Variants in FER observed in about 807,000 individuals in gnomAD.
The protein encoded by FER is tyrosine-protein kinase Fer.
FER carries 63 observed loss-of-function variants against 111.0 expected under a neutral mutation model. The observed-to-expected ratio is 0.57, with a 90% CI of 0.46 to 0.70. FER has a LOEUF of 0.70. Among genes scored for constraint, FER ranks in the 30% least tolerant of loss-of-function variants. FER has a pLI of 0.00. For synonymous variants in FER, 327 were observed against 313.9 expected (o/e 1.04, Z -0.44); for missense variants, 914 against 954.0 (o/e 0.96, Z 0.55).
chr5:108,966,789 C>T (rs566891591), intron 13 of FER, among the ~76,000 whole-genome samples: 2 of 152,178 alleles, frequency 1.3e-5, no homozygotes, highest in African/African-American at 4.8e-5. Context: ...CTGATATGAA[C>T]ATGGATGTAT....
intron 3 of FER, among the ~76,000 whole-genome samples, chr5:108,812,506 A>C (rs1757868700): frequency 6.6e-6 from 1 of 152,128 alleles, no homozygotes; most frequent in African/African-American, 2.4e-5. Flanking sequence ...TTGGTTTCCT[A>C]ATATGACAAT....
At chr5:109,039,963 T>G (rs760161524) in intron 14 of FER, among the ~76,000 whole-genome samples, 18 of 152,156 alleles carry the variant, frequency 1.2e-4, no homozygotes, top group Non-Finnish European at 2.4e-4. Context: ...GATGCTAGGT[T>G]AAGATGATAG....
chr5:109,154,324 A>ATTTAAT (rs1561965023), intron 17 of FER, among the ~76,000 whole-genome samples: 1 of 152,000 alleles, frequency 6.6e-6, no homozygotes, highest in East Asian at 1.9e-4. Flanking sequence ...GTGTATCACC[A>ATTTAAT]GTTTTGAGAA....
Position 108,880,752 on chromosome 5 carries a change from T to C in FER, c.924-2644T>C, listed in dbSNP as rs1487254796. Among the ~76,000 whole-genome samples, 5 of 151,996 alleles carry C rather than the reference T, an allele frequency of 3.3e-5. No individual in the cohort carries two copies. The East Asian group carries it at 7.7e-4, about 23-fold the overall frequency. On this transcript the variant is annotated intron_variant, in intron 8 of 19. Transcript: ENST00000281092. ...ATATATATATATGATTAAAGAAAAA[T>C]GTTCAATCTGACCTTTCCCTGATGA...
intron 5 of FER, among the ~76,000 whole-genome samples, chr5:108,859,249 T>TGGTA (rs778620607): frequency 6.6e-5 from 10 of 152,130 alleles, no homozygotes; most frequent in Non-Finnish European, 1.5e-4. Context: ...ACCACTACAG[T>TGGTA]TTTTCAGTAT....
At chr5:109,088,929 T>C (rs941020360) in intron 16 of FER, among the ~76,000 whole-genome samples, 2 of 152,162 alleles carry the variant, frequency 1.3e-5, no homozygotes, top group African/African-American at 4.8e-5. Flanking sequence ...ATGTGGTTCA[T>C]CTAAAGAAAA....
chr5:109,093,809 T>C (rs3797848), intron 16 of FER, among the ~76,000 whole-genome samples: 5,210 of 152,286 alleles, frequency 0.034, 150 homozygotes, highest in South Asian at 0.084. Context: ...TAGTATTCCA[T>C]TGATTTTTCT....
intron 2 of FER, among the ~76,000 whole-genome samples, chr5:108,770,598 TCTC>T (rs749594389): frequency 6.6e-5 from 10 of 151,920 alleles, no homozygotes; most frequent in Admixed American, 1.3e-4. Context: ...TGCAGGCTGT[TCTC>T]CTGAGCTCAA....
chr5:109,174,121 A>G (rs575999440), intron 17 of FER, among the ~76,000 whole-genome samples: 1 of 152,236 alleles, frequency 6.6e-6, no homozygotes, highest in East Asian at 1.9e-4. Flanking sequence ...GTGCCCTGTT[A>G]GTAATGGGCA....
At chr5:108,988,044 G>C (rs952792294) in intron 13 of FER, among the ~76,000 whole-genome samples, 1 of 152,034 alleles carries the variant, frequency 6.6e-6, no homozygotes, top group South Asian at 2.1e-4. Flanking sequence ...TGCGTTTCTT[G>C]AGATGATGTG....
At position 109,190,693 on chromosome 5, in the gene FER, G is replaced by A. The variant is rs1156380670; in HGVS notation, c.*3118G>A. 1 of 152,108 alleles carries A rather than the reference G, an allele frequency of 6.6e-6. No individual in the cohort carries two copies. The highest frequency in any genetic ancestry group is 2.4e-5 in the African/African-American group (1 of 41,454). 9.4% of individuals were successfully genotyped at this position (152,108 alleles called of 1,614,324 possible). On this transcript the variant is annotated 3_prime_UTR_variant, in exon 20 of 20. Transcript: ENST00000281092. ...TTTATTTCAGCCTGTCCTGCCATGAGGTCTCCAGTGAGAGGTCTCCAGTGA... is the reference window on the plus strand; with the variant it reads ...TTTATTTCAGCCTGTCCTGCCATGAAGTCTCCAGTGAGAGGTCTCCAGTGA...
Position 109,188,385 on chromosome 5 carries a change from A to G in FER, c.*810A>G, listed in dbSNP as rs951540081. The G allele has an allele frequency of 4.5e-5, 4 of 88,610 alleles. No individual in the cohort carries two copies. Among genetic ancestry groups the G allele is most frequent in the African/African-American group, 1.9e-4 (4 of 21,532 alleles). The allele number at this position is 88,610 out of a possible 1,614,324, so 5.5% of individuals were successfully genotyped here. A position where few individuals can be genotyped will look rare whatever the true frequency, so the allele number is the denominator to read the frequency against. On this transcript the variant is annotated 3_prime_UTR_variant, in exon 20 of 20. Coordinates refer to ENST00000281092, the MANE Select transcript of FER (RefSeq NM_005246.4). ...GCTTGCATGGTGAAACCCTGTCTCT[A>G]CCAAAAAAAAAAAAAGAAACACACA...
At chr5:108,790,042 T>C (rs965871876) in intron 2 of FER, among the ~76,000 whole-genome samples, 76 of 152,224 alleles carry the variant, frequency 5.0e-4, no homozygotes, top group African/African-American at 1.7e-3. Flanking sequence ...ATGTAAAATA[T>C]TCGTTGGGTG....
intron 13 of FER, among the ~76,000 whole-genome samples, chr5:109,035,818 G>A (rs949381362): frequency 6.6e-6 from 1 of 152,164 alleles, no homozygotes; most frequent in Non-Finnish European, 1.5e-5. Flanking sequence ...ACAATCTCTT[G>A]ATTTGTTAAT....
At chr5:108,764,718 G>A (rs958932894) in intron 1 of FER, among the ~76,000 whole-genome samples, 2 of 152,128 alleles carry the variant, frequency 1.3e-5, no homozygotes, top group African/African-American at 4.8e-5. Context: ...ATTTTAAATG[G>A]TTGTAAAATT....
chr5:109,164,335 A>G (rs1582337739), intron 17 of FER, among the ~76,000 whole-genome samples: 1 of 152,204 alleles, frequency 6.6e-6, no homozygotes, highest in East Asian at 1.9e-4. Context: ...CATTAGTGAT[A>G]GTATTAAGAT....
intron 8 of FER, among the ~76,000 whole-genome samples, chr5:108,881,856 C>A (rs2150282265): frequency 6.6e-6 from 1 of 152,100 alleles, no homozygotes; most frequent in East Asian, 1.9e-4. Flanking sequence ...GGCTCCATCT[C>A]CAGATACCAT....
chr5:109,039,985 G>A (rs1229673949), intron 14 of FER, among the ~76,000 whole-genome samples: 1 of 152,100 alleles, frequency 6.6e-6, no homozygotes, highest in African/African-American at 2.4e-5. Flanking sequence ...AGTGGTGGTG[G>A]TGTGAAGTAG....
intron 17 of FER, among the ~76,000 whole-genome samples, chr5:109,122,419 G>A (rs1751099108): frequency 6.6e-6 from 1 of 151,530 alleles, no homozygotes; most frequent in South Asian, 2.1e-4. Context: ...TTATTCAATT[G>A]TTGTCAGAGA....
Sources: allele counts gnomAD v4.1 joint callset (sites outside exome capture counted in the v4.1 genomes callset), GRCh38; gene constraint gnomAD v4.1.1; transcripts MANE v1.5; gene names NCBI Gene and HGNC (gene_info 2026-07-23, HGNC 2026-07-21).